NCKAP1: variants seen among roughly 807,000 people sequenced by gnomAD.
NCKAP1 encodes the protein NCK associated protein 1, also known as nck-associated protein 1.
A neutral mutation model predicts 151.2 loss-of-function variants in NCKAP1; 21 were observed. That is an observed-to-expected ratio of 0.14 (90% CI 0.10 to 0.20). The LOEUF (loss-of-function observed/expected upper bound fraction) is 0.20. NCKAP1 is among the 10% of genes least tolerant of loss of function. The pLI is 1.00. For synonymous variants in NCKAP1, 484 were observed against 451.8 expected (o/e 1.07, Z -0.90); for missense variants, 933 against 1,352.1 (o/e 0.69, Z 4.86).
chr2:182,989,742 C>T (rs1408005732), intron 8 of NCKAP1, among the ~76,000 whole-genome samples: 1 of 150,400 alleles, frequency 6.6e-6, no homozygotes, highest in African/African-American at 2.5e-5. Flanking sequence ...GTGCTCATGC[C>T]TGTAATCCCA....
At chr2:183,035,929 C>G (rs1699093376) in intron 1 of NCKAP1, among the ~76,000 whole-genome samples, 3 of 152,114 alleles carry the variant, frequency 2.0e-5, no homozygotes, top group Admixed American at 6.5e-5. Flanking sequence ...TACACTGTCC[C>G]TGCCCAGAGA....
At position 182,930,765 on chromosome 2, in the gene NCKAP1, T is replaced by C. The variant is rs138921784; in HGVS notation, c.2883A>G (p.Leu961=). 167 of 1,613,380 alleles carry C rather than the reference T, an allele frequency of 1.0e-4. 1 individual carries two copies. In the African/African-American group the frequency reaches 2.1e-3, roughly 20 times the overall value. The change falls in exon 27 of 31, where the codon TTA becomes TTG. Residue 961 remains leucine, a synonymous_variant. Transcript: ENST00000361354. ...DMKVAMNVYE[L]SSAAGLPCEI... is the part of the protein sequence containing the mutation. ...CACAAGGTAATCCGGCAGCTGATGATAACTCATACACATTCATTGCAACCT... is the reference window on the plus strand; with the variant it reads ...CACAAGGTAATCCGGCAGCTGATGACAACTCATACACATTCATTGCAACCT...
At chr2:183,003,955 ATAAT>A (rs1559102385) in intron 2 of NCKAP1, among the ~76,000 whole-genome samples, 1 of 152,182 alleles carries the variant, frequency 6.6e-6, no homozygotes, top group Non-Finnish European at 1.5e-5. Context: ...AATCAACTGT[ATAAT>A]TAAATTTACA....
intron 17 of NCKAP1, among the ~76,000 whole-genome samples, chr2:182,962,850 A>G (rs964024592): frequency 6.6e-6 from 1 of 151,022 alleles, no homozygotes; most frequent in Non-Finnish European, 1.5e-5. Flanking sequence ...CTGATCATGC[A>G]TCCATCTCTA....
chr2:182,953,689 T>C (rs143594162), intron 20 of NCKAP1, among the ~76,000 whole-genome samples: 13 of 152,072 alleles, frequency 8.5e-5, no homozygotes, highest in Admixed American at 3.3e-4. Flanking sequence ...TCCTGGCTAC[T>C]TGGGAGGTTG....
intron 24 of NCKAP1, among the ~76,000 whole-genome samples, chr2:182,937,767 C>A (rs1696910350): frequency 6.6e-6 from 1 of 152,156 alleles, no homozygotes; most frequent in Non-Finnish European, 1.5e-5. Context: ...ATAGCTACTG[C>A]ACATGGAATA....
intron 15 of NCKAP1, among the ~76,000 whole-genome samples, chr2:182,974,393 C>G (rs1697763198): frequency 1.3e-5 from 2 of 152,012 alleles, no homozygotes; most frequent in African/African-American, 4.8e-5. Flanking sequence ...TAAATCCTAA[C>G]CCCCAGTACC....
rs1696532783 is a variant in NCKAP1 at position 182,920,498 on chromosome 2, T to A, written c.*5204A>T. On this transcript the variant is annotated 3_prime_UTR_variant, in exon 31 of 31. Transcript: ENST00000361354. Reference sequence around the variant, plus strand: ...GCCTTAGTCTGGTTTATAAAGTTTATAAGCAAGAACTGTGAACAATAAATT... The same window carrying A: ...GCCTTAGTCTGGTTTATAAAGTTTAAAAGCAAGAACTGTGAACAATAAATT... 6.6e-6 allele frequency: 1 copy of A among 152,232 alleles called. No individual in the cohort carries two copies. The allele number at this position is 152,232 out of a possible 1,614,324, so 9.4% of individuals were successfully genotyped here.
rs1575046548 is a variant in NCKAP1, at chr2:182,983,398, C to A, written c.1005-16G>T. 6.5e-7 allele frequency: 1 copy of A among 1,539,740 alleles called. No individual in the cohort carries two copies. The highest frequency in any genetic ancestry group is 2.2e-5 in the East Asian group (1 of 44,498). ...CATTGAACCACTATGGGGAAAGACACCATAATAGTTTATCTGCTTCTACTA... is the reference window on the plus strand; with the variant it reads ...CATTGAACCACTATGGGGAAAGACAACATAATAGTTTATCTGCTTCTACTA... On this transcript the variant is annotated splice_polypyrimidine_tract_variant and intron_variant, in intron 10 of 30. Coordinates refer to ENST00000361354, the MANE Select transcript of NCKAP1 (RefSeq NM_013436.5).
intron 2 of NCKAP1, among the ~76,000 whole-genome samples, chr2:183,008,436 G>A (rs1317880036): frequency 6.6e-6 from 1 of 152,074 alleles, no homozygotes; most frequent in African/African-American, 2.4e-5. Context: ...ATAATTACCA[G>A]TGCCTCAGAA....
chr2:182,952,869 A>G lies in NCKAP1; in HGVS notation c.2427T>C (p.Pro809=), dbSNP rs1355878207. 2.5e-6 allele frequency: 4 copies of G among 1,612,410 alleles called. No homozygotes were observed. The African/African-American group carries it at 5.3e-5, about 22-fold the overall frequency. ...QVSNGHIAYF[P]AMKAFVNLPT... is the part of the protein sequence containing the mutation. The stretch of plus-strand genomic sequence containing the variant: ...GTAAGTTCACAAACGCTTTCATTGC[A>G]GGAAAATATGCTATATGGCCATTGC... Residue 809 remains proline (P), a synonymous_variant, in exon 22 of 31, where the codon CCT becomes CCC. Coordinates refer to ENST00000361354, the MANE Select transcript of NCKAP1 (RefSeq NM_013436.5).
In NCKAP1 at chr2:182,917,990, G is replaced by A. The variant is rs900466355; in HGVS notation, c.*7712C>T. On this transcript the variant is annotated 3_prime_UTR_variant, in exon 31 of 31. Transcript: ENST00000361354. ...TCATTTACCCAGGAAATGTTTTTTA[G>A]TGCTTTGGGAAAGAACATGATACAG... 1 of 152,094 alleles carries A rather than the reference G, an allele frequency of 6.6e-6. No individual in the cohort carries two copies. The highest frequency in any genetic ancestry group is 2.4e-5 in the African/African-American group (1 of 41,402). The allele number at this position is 152,094 out of a possible 1,614,324, so 9.4% of individuals were successfully genotyped here.
chr2:183,038,028 GC>G lies in NCKAP1; in HGVS notation c.71del (p.Gly24AlafsTer34). The G allele has an allele frequency of 6.3e-7, 1 of 1,582,814 alleles. No individual in the cohort carries two copies. The part of the protein sequence containing the change: ...AEKLTILNDR[G>X]VGMLTRLYNI... The stretch of plus-strand genomic sequence containing the variant: ...TGTAGAGGCGGGTGAGCATGCCGAC[GC>G]CCCGGTCGTTGAGGATGGTGAGCTT... On this transcript the variant is annotated frameshift_variant, in exon 1 of 31. Coordinates refer to ENST00000361354, the MANE Select transcript of NCKAP1 (RefSeq NM_013436.5). LOFTEE classifies it high-confidence loss of function.
intron 2 of NCKAP1, among the ~76,000 whole-genome samples, chr2:183,008,939 G>A (rs1315940635): frequency 6.6e-6 from 1 of 152,122 alleles, no homozygotes; most frequent in African/African-American, 2.4e-5. Flanking sequence ...ACAAAGAATA[G>A]TCATGTTTTA....
Position 182,952,417 on chromosome 2 carries a change from A to C in NCKAP1, c.2589T>G (p.Val863=). ...ESLMWHISSQ[V]AELKKLVVEN... ...AAGACTATATTACCTTAAGTTCAGCAACTTGTGATGAAATATGCCACATAA... is the reference window on the plus strand; with the variant it reads ...AAGACTATATTACCTTAAGTTCAGCCACTTGTGATGAAATATGCCACATAA... Residue 863 remains valine, a synonymous_variant, in exon 23 of 31, where the codon GTT becomes GTG. Coordinates refer to ENST00000361354, the MANE Select transcript of NCKAP1 (RefSeq NM_013436.5). 3 of 1,603,942 alleles carry C rather than the reference A, an allele frequency of 1.9e-6. No individual in the cohort carries two copies. The African/African-American group carries it at 4.0e-5, about 21-fold the overall frequency.
chr2:183,004,117 C>CCA (rs1369160180), intron 2 of NCKAP1, among the ~76,000 whole-genome samples: 1 of 152,062 alleles, frequency 6.6e-6, no homozygotes, highest in African/African-American at 2.4e-5. Flanking sequence ...ATAGCCACTC[C>CCA]CACATCATTC....
At chr2:182,997,557 C>T (rs1375464869) in intron 6 of NCKAP1, among the ~76,000 whole-genome samples, 2 of 152,104 alleles carry the variant, frequency 1.3e-5, no homozygotes, top group African/African-American at 4.8e-5. Flanking sequence ...TTTGAGAATT[C>T]CTCTTGGTAT....
In NCKAP1 at chr2:182,995,818, A is replaced by T. The variant is rs749972922; in HGVS notation, c.624T>A (p.Ile208=). ...PHSKSLSDAL[I]SLQMVYPRRN... ...TTCGAGGATATACCATTTGAAGAGAAATTAGTGCATCTGAAAGAGACTAAT... is the reference window on the plus strand; with the variant it reads ...TTCGAGGATATACCATTTGAAGAGATATTAGTGCATCTGAAAGAGACTAAT... The change falls in exon 7 of 31, where the codon ATT becomes ATA. Residue 208 remains isoleucine (I), a synonymous_variant. Transcript: ENST00000361354. The T allele has an allele frequency of 1.9e-6, 3 of 1,611,234 alleles. No homozygotes were observed. Among genetic ancestry groups the T allele is most frequent in the Non-Finnish European group, 2.5e-6 (3 of 1,177,522 alleles).
At position 182,953,102 on chromosome 2, in the gene NCKAP1, G is replaced by A. The variant is rs377010470; in HGVS notation, c.2372+11C>T. 2.0e-5 allele frequency: 32 copies of A among 1,585,926 alleles called. No homozygotes were observed. The highest frequency in any genetic ancestry group is 3.6e-5 in the Admixed American group (2 of 55,396). On this transcript the variant is annotated intron_variant, in intron 21 of 30. Transcript: ENST00000361354. ...TTTCCGCTACTACAAATTTCTAAAT[G>A]CATTCCTTACCAATTTGTGTATAGA...
Sources: gnomAD v4.1 joint callset for allele counts (sites outside exome capture counted in the v4.1 genomes callset) on GRCh38, gnomAD v4.1.1 for gene constraint, MANE v1.5 for transcripts, NCBI Gene and HGNC (gene_info 2026-07-23, HGNC 2026-07-21) for gene names.